Variants in LHX8 observed in about 807,000 individuals in gnomAD.
LHX8 encodes the protein LIM/homeobox protein Lhx8.
Under a neutral mutation model 40.3 loss-of-function variants are expected in LHX8, and 12 were observed. That is an observed-to-expected ratio of 0.30 (90% confidence interval 0.19 to 0.48). The LOEUF (loss-of-function observed/expected upper bound fraction) is 0.48, where lower values mean the gene tolerates loss of function less well. Among genes scored for constraint, LHX8 ranks in the 20% least tolerant of loss-of-function variants. The pLI, the probability that LHX8 is intolerant of heterozygous loss-of-function variation, is 0.99. For synonymous variants in LHX8, 179 were observed against 162.0 expected (o/e 1.10, Z -0.80); for missense variants, 344 against 433.7 (o/e 0.79, Z 1.84).
chr1:75,154,160 G>A (rs1648690539), intron 7 of LHX8, among the ~76,000 whole-genome samples: 1 of 152,164 alleles, frequency 6.6e-6, no homozygotes, highest in South Asian at 2.1e-4. Flanking sequence ...AGAGTCAAAA[G>A]GACTTATACT....
At chr1:75,186,148 A>C in the LHX8 span, among the ~76,000 whole-genome samples, 1 of 152,214 alleles carries the variant, frequency 6.6e-6, no homozygotes, top group East Asian at 1.9e-4. Context: ...TGCTACTCCT[A>C]TCAGACTACC....
At chr1:75,145,659 T>C (rs575910724) in intron 6 of LHX8, among the ~76,000 whole-genome samples, 1 of 152,258 alleles carries the variant, frequency 6.6e-6, no homozygotes, top group Non-Finnish European at 1.5e-5. Context: ...AACCTTCTCC[T>C]CAAACATCTG....
chr1:75,180,018 C>T, the LHX8 span, among the ~76,000 whole-genome samples: 3 of 152,092 alleles, frequency 2.0e-5, no homozygotes, highest in African/African-American at 7.2e-5. Context: ...AATATTGGCC[C>T]CTACTCTCTT....
At chr1:75,164,910 G>C (rs1649000766), downstream of LHX8, among the ~76,000 whole-genome samples, 1 of 151,892 alleles carries the variant, frequency 6.6e-6, no homozygotes, top group South Asian at 2.1e-4. Context: ...CTGGGTTCAA[G>C]CAGTCCTCCC....
rs376300206 is a variant in LHX8 at position 75,137,172 on chromosome 1, C to T, written c.148C>T (p.Arg50Trp). 3.1e-6 allele frequency: 5 copies of T among 1,613,250 alleles called. No homozygotes were observed. The highest frequency in any genetic ancestry group is 2.7e-5 in the African/African-American group (2 of 74,912). ...CCCGCTGTCCCCGTCGTCCTCGCCCCGGTCCATGGCCTCGGGCTCCGGCTG... is the reference window on the plus strand; with the variant it reads ...CCCGCTGTCCCCGTCGTCCTCGCCCTGGTCCATGGCCTCGGGCTCCGGCTG... Reference protein sequence around the residue: ...SAPLSPSSSPRSMASGSGCPP... With the variant: ...SAPLSPSSSPWSMASGSGCPP... Residue 50 changes from arginine to tryptophan, a missense_variant, in exon 3 of 9, where the codon CGG (arginine) becomes TGG (tryptophan). Transcript: ENST00000356261.
chr1:75,143,778 C>T lies in LHX8; in HGVS notation c.581-67C>T, dbSNP rs1249546313. The T allele has an allele frequency of 2.5e-6, 3 of 1,179,638 alleles. No homozygotes were observed. The East Asian group carries it at 7.0e-5, about 28-fold the overall frequency. The allele number at this position is 1,179,638 out of a possible 1,614,324, so 73.1% of individuals were successfully genotyped here. ...ACAAAAAGCCAAGAGATATAAGAAA[C>T]CTGTTATTGTAAGATGGGTGTACCC... On this transcript the variant is annotated intron_variant, in intron 5 of 8. Coordinates refer to ENST00000356261, the MANE Select transcript of LHX8 (RefSeq NM_001256114.2).
At chr1:75,171,450 T>A in the LHX8 span, among the ~76,000 whole-genome samples, 1 of 151,846 alleles carries the variant, frequency 6.6e-6, no homozygotes, top group South Asian at 2.1e-4. Flanking sequence ...TTTAGTATAT[T>A]TTCTCTACCT....
upstream of LHX8, among the ~76,000 whole-genome samples, chr1:75,133,523 G>A (rs981606158): frequency 2.6e-5 from 4 of 152,104 alleles, no homozygotes; most frequent in Non-Finnish European, 5.9e-5. Context: ...TAGACTCCTA[G>A]ATCTTCTTAG....
At chr1:75,136,995 G>A in intron 2 of LHX8, 105 bp from the exon 3 acceptor site, 1 of 1,281,690 alleles carries the variant, frequency 7.8e-7, no homozygotes, top group Non-Finnish European at 1.1e-6. Flanking sequence ...GGGGTGGGGT[G>A]GCCAGGGGGA....
the LHX8 span, among the ~76,000 whole-genome samples, chr1:75,170,106 A>G: frequency 1.3e-5 from 2 of 152,220 alleles, no homozygotes; most frequent in African/African-American, 4.8e-5. Context: ...CCACACTGTC[A>G]TGCCTGCTGA....
the LHX8 span, among the ~76,000 whole-genome samples, chr1:75,170,684 A>T: frequency 6.6e-6 from 1 of 152,214 alleles, no homozygotes; most frequent in Middle Eastern, 3.2e-3. Context: ...AGAAATGGTC[A>T]GTCTCAGAGA....
chr1:75,145,118 G>A (rs900313864), intron 6 of LHX8, among the ~76,000 whole-genome samples: 6 of 152,180 alleles, frequency 3.9e-5, no homozygotes, highest in East Asian at 1.9e-4. Flanking sequence ...TAGGCATAAA[G>A]TACATAGTCA....
At chr1:75,138,754 A>ATAGATAATAGTTTCTAGTGTTAATCT (rs1648223196) in intron 3 of LHX8, among the ~76,000 whole-genome samples, 1 of 152,176 alleles carries the variant, frequency 6.6e-6, no homozygotes. Context: ...AACCTCTGAA[A>ATAGATAATAGTTTCTAGTGTTAATCT]TAGATAATAG....
At chr1:75,135,201 G>A (rs998448400) in intron 1 of LHX8, among the ~76,000 whole-genome samples, 3 of 152,210 alleles carry the variant, frequency 2.0e-5, no homozygotes, top group Non-Finnish European at 2.9e-5. Flanking sequence ...GGCACAAAAC[G>A]AGTCACGCGG....
At chr1:75,184,819 C>CT in the LHX8 span, among the ~76,000 whole-genome samples, 1 of 134,306 alleles carries the variant, frequency 7.4e-6, no homozygotes, top group Non-Finnish European at 1.6e-5. Flanking sequence ...AATCCAGCAG[C>CT]TGTTTTTTTT....
At chr1:75,175,479 G>T in the LHX8 span, among the ~76,000 whole-genome samples, 3 of 151,904 alleles carry the variant, frequency 2.0e-5, no homozygotes, top group Admixed American at 6.6e-5. Flanking sequence ...GTTTATTTTT[G>T]ATTTTTTAAT....
At chr1:75,175,442 C>G in the LHX8 span, among the ~76,000 whole-genome samples, 5 of 152,268 alleles carry the variant, frequency 3.3e-5, no homozygotes, top group East Asian at 9.6e-4. Flanking sequence ...AAAGTGTTCC[C>G]TTTTCACCAT....
chr1:75,176,666 T>G, the LHX8 span, among the ~76,000 whole-genome samples: 1 of 152,228 alleles, frequency 6.6e-6, no homozygotes, highest in African/African-American at 2.4e-5. Context: ...GTGCAGATGC[T>G]CTTTAGTTTA....
intron 6 of LHX8, among the ~76,000 whole-genome samples, chr1:75,144,270 C>T (rs1273029123): frequency 6.6e-6 from 1 of 152,142 alleles, no homozygotes; most frequent in Non-Finnish European, 1.5e-5. Context: ...TATTACTACA[C>T]ATAATTGCAA....
Sources: allele counts gnomAD v4.1 joint callset (sites outside exome capture counted in the v4.1 genomes callset), GRCh38; gene constraint gnomAD v4.1.1; transcripts MANE v1.5; gene names NCBI Gene and HGNC (gene_info 2026-07-23, HGNC 2026-07-21).